Variants in GALNT9 observed in about 807,000 individuals in gnomAD.
GALNT9 encodes the protein polypeptide N-acetylgalactosaminyltransferase 9, also known as GalNAc transferase 9.
In GALNT9, 47 loss-of-function variants were observed where a neutral mutation model predicts 63.1. The ratio of observed to expected loss-of-function variants is 0.75; its 90% CI spans 0.59 to 0.95. The LOEUF (loss-of-function observed/expected upper bound fraction) is 0.95, where lower values mean the gene tolerates loss of function less well. Ranked by LOEUF, GALNT9 falls within the 40% of genes least tolerant of loss-of-function variation. GALNT9 has a pLI of 0.00. For synonymous variants in GALNT9, 396 were observed against 365.7 expected (o/e 1.08, Z -0.94); for missense variants, 829 against 874.8 (o/e 0.95, Z 0.66).
At chr12:132,292,145 T>C (rs1880883675) in intron 1 of GALNT9, among the ~76,000 whole-genome samples, 2 of 137,826 alleles carry the variant, frequency 1.5e-5, no homozygotes, top group African/African-American at 5.7e-5. Context: ...CCTGCCTCAT[T>C]TTCCTCCCAG....
At chr12:132,222,724 G>T (rs984516031) in intron 6 of GALNT9, among the ~76,000 whole-genome samples, 1 of 151,744 alleles carries the variant, frequency 6.6e-6, no homozygotes, top group Admixed American at 6.6e-5. Context: ...ACATTCCATC[G>T]GCTCCTGAGT....
In GALNT9 at chr12:132,199,267, C is replaced by T. The variant is rs1303966211; in HGVS notation, c.1404G>A (p.Val468=). The change falls in exon 9 of 11, where the codon GTG becomes GTA. Residue 468 remains valine, a splice_region_variant and synonymous_variant. Coordinates refer to ENST00000328957, the MANE Select transcript of GALNT9 (RefSeq NM_001122636.2). ...AGTAGGCACTGGCTTTGCTGTTTCTCACCTGCAAGCAGAAGCCCCAGGAGA... is the reference window on the plus strand; with the variant it reads ...AGTAGGCACTGGCTTTGCTGTTTCTTACCTGCAAGCAGAAGCCCCAGGAGA... ...VYNNTLTYGE[V]RNSKASAYCL... 9 of 1,599,906 alleles carry T rather than the reference C, an allele frequency of 5.6e-6. No individual in the cohort carries two copies. The highest frequency in any genetic ancestry group is 6.8e-6 in the Non-Finnish European group (8 of 1,175,938).
intron 1 of GALNT9, among the ~76,000 whole-genome samples, chr12:132,289,585 C>G (rs1555242507): frequency 6.6e-6 from 1 of 152,246 alleles, no homozygotes; most frequent in Non-Finnish European, 1.5e-5. Context: ...TGGGCCTTCA[C>G]TGTGGTCACC....
At chr12:132,301,794 G>C (rs1297549528) in intron 1 of GALNT9, among the ~76,000 whole-genome samples, 1 of 152,226 alleles carries the variant, frequency 6.6e-6, no homozygotes, top group African/African-American at 2.4e-5. Flanking sequence ...GCGGCTCCAG[G>C]GGGGCACGGA....
rs1461361671 is a variant in GALNT9, at chr12:132,319,880, C to G, written c.238+9086G>C. ...CTGTGTCTTCTCCACCCTCAGCCTC[C>G]GGAGGTTCGGAGGCACTCACTGACC... On this transcript the variant is annotated intron_variant, in intron 1 of 10. Transcript: ENST00000328957. The surrounding 1 kb of genome is among the most constrained non-coding windows in gnomAD (Gnocchi z 5.2). Among the ~76,000 whole-genome samples, 1 of 152,210 alleles carries G rather than the reference C, an allele frequency of 6.6e-6. No homozygotes were observed. Among genetic ancestry groups the G allele is most frequent in the Non-Finnish European group, 1.5e-5 (1 of 68,034 alleles).
At position 132,329,159 on chromosome 12, in the gene GALNT9, G is replaced by A. The variant is rs1348216685; in HGVS notation, c.45C>T (p.Ile15=). 4 of 1,549,056 alleles carry A rather than the reference G, an allele frequency of 2.6e-6. No individual in the cohort carries two copies. The African/African-American group carries it at 4.1e-5, about 16-fold the overall frequency. The part of the protein sequence containing the change: ...RKIRTLLTVN[I]LVFVGIVLFS... ...ACAGGACGATGCCCACGAACACCAG[G>A]ATGTTCACCGTCAGCAAAGTTCGGA... Residue 15 remains isoleucine (I), a synonymous_variant, in exon 1 of 11, where the codon ATC becomes ATT. Transcript: ENST00000328957.
chr12:132,267,897 ACGCACACAAATCCACATG>A (rs1879696318), intron 2 of GALNT9, among the ~76,000 whole-genome samples: 1 of 150,444 alleles, frequency 6.6e-6, no homozygotes, highest in African/African-American at 2.5e-5. Context: ...ACACGCACAC[ACGCACACAAATCCACATG>A]CACTCACACA....
chr12:132,276,305 C>G (rs1880086720), intron 2 of GALNT9: 1 of 154,958 alleles, frequency 6.5e-6, no homozygotes, highest in African/African-American at 2.4e-5. Context: ...CCGGCCGCAG[C>G]TCCCAACCTT....
At chr12:132,272,848 C>G (rs973683487) in intron 2 of GALNT9, 4 of 152,310 alleles carry the variant, frequency 2.6e-5, no homozygotes, top group African/African-American at 7.2e-5. Flanking sequence ...CGCAGGCTGC[C>G]GTCTCTGGAC....
Position 132,224,642 on chromosome 12 carries a change from C to T in GALNT9, c.1078-20952G>A, listed in dbSNP as rs1405045474. On this transcript the variant is annotated intron_variant, in intron 6 of 10. Coordinates refer to ENST00000328957, the MANE Select transcript of GALNT9 (RefSeq NM_001122636.2). Reference sequence around the variant, plus strand: ...CATACACCCCATATACACACCCCAGCGTACATACACACCCCACACTGTACC... The same window carrying T: ...CATACACCCCATATACACACCCCAGTGTACATACACACCCCACACTGTACC... 3.3e-4 allele frequency among the ~76,000 whole-genome samples: 29 copies of T among 86,698 alleles called. No individual in the cohort carries two copies. In the East Asian group the frequency reaches 6.9e-3, roughly 21 times the overall value. 56.9% of individuals were successfully genotyped at this position (86,698 alleles called of 152,430 possible).
At chr12:132,201,303 C>A in intron 7 of GALNT9, 42 bp from the exon 8 acceptor site, 2 of 1,454,678 alleles carry the variant, frequency 1.4e-6, no homozygotes, top group Non-Finnish European at 1.9e-6. Flanking sequence ...TGGGTGTCAC[C>A]ATGACCTGGG....
At chr12:132,263,030 G>A (rs1055756630) in intron 2 of GALNT9, among the ~76,000 whole-genome samples, 2 of 152,056 alleles carry the variant, frequency 1.3e-5, no homozygotes, top group African/African-American at 4.8e-5. Flanking sequence ...TCCACAGACA[G>A]GAGCCTCCCC....
In GALNT9 at chr12:132,239,327, GAGAGACAGAGTC is replaced by G. The variant is rs141857485; in HGVS notation, c.1077+8571_1077+8582del. On this transcript the variant is annotated intron_variant, in intron 6 of 10. Transcript: ENST00000328957. ...AGACACACACTGAGAGACTGAGAGA[GAGAGACAGAGTC>G]AGAGACAGAGTCAGAGACAGAGAGA... 5.7e-4 allele frequency among the ~76,000 whole-genome samples: 36 copies of G among 63,192 alleles called. No homozygotes were observed. In the South Asian group the frequency reaches 0.011, roughly 19 times the overall value. The allele number at this position is 63,192 out of a possible 152,430, so 41.5% of individuals were successfully genotyped here. A position where few individuals can be genotyped will look rare whatever the true frequency, so the allele number is the denominator to read the frequency against.
At chr12:132,213,944 A>G (rs1003562940) in intron 6 of GALNT9, among the ~76,000 whole-genome samples, 2 of 152,126 alleles carry the variant, frequency 1.3e-5, no homozygotes, top group Non-Finnish European at 2.9e-5. Context: ...CCCACCCCCT[A>G]TGTCCGCACA....
chr12:132,296,361 C>T lies in GALNT9; in HGVS notation c.239-9931G>A, dbSNP rs1555243250. Reference sequence around the variant, plus strand: ...GATCCAAGAGCAGGAGATGCCCACGCTCACCACCCCATCCACTGATGGCCC... The same window carrying T: ...GATCCAAGAGCAGGAGATGCCCACGTTCACCACCCCATCCACTGATGGCCC... On this transcript the variant is annotated intron_variant, in intron 1 of 10. Coordinates refer to ENST00000328957, the MANE Select transcript of GALNT9 (RefSeq NM_001122636.2). The surrounding 1 kb of genome is among the most constrained non-coding windows in gnomAD (Gnocchi z 4.2). Among the ~76,000 whole-genome samples, 1 of 152,246 alleles carries T rather than the reference C, an allele frequency of 6.6e-6. No individual in the cohort carries two copies. The highest frequency in any genetic ancestry group is 1.9e-4 in the East Asian group (1 of 5,204).
At chr12:132,290,119 G>C (rs1387999600) in intron 1 of GALNT9, among the ~76,000 whole-genome samples, 2 of 152,022 alleles carry the variant, frequency 1.3e-5, no homozygotes, top group Non-Finnish European at 2.9e-5. Flanking sequence ...GCTTCATCAG[G>C]GGTGCCAATT....
intron 6 of GALNT9, among the ~76,000 whole-genome samples, chr12:132,226,312 C>T (rs1478354790): frequency 1.3e-5 from 2 of 149,840 alleles, no homozygotes; most frequent in African/African-American, 4.9e-5. Flanking sequence ...ATACACGCTG[C>T]ACATACTGTA....
In GALNT9 at chr12:132,245,116, C is replaced by G. The variant is rs1878657929; in HGVS notation, c.1077+2794G>C. ...CAGAACCCGCGGTGACACAGGCTCC[C>G]CTGCCCCGCGGAGGAGTCAGGCCAT... On this transcript the variant is annotated intron_variant, in intron 6 of 10. Transcript: ENST00000328957. The surrounding 1 kb of genome is among the most constrained non-coding windows in gnomAD (Gnocchi z 6.3). Among the ~76,000 whole-genome samples the G allele has an allele frequency of 6.6e-6, 1 of 151,900 alleles. No homozygotes were observed. Among genetic ancestry groups the G allele is most frequent in the Non-Finnish European group, 1.5e-5 (1 of 67,936 alleles).
rs561659315 is a variant in GALNT9 at position 132,322,174 on chromosome 12, C to T, written c.238+6792G>A. ...TGGACGTGAGCTTCCGGGCGGGCCC[C>T]GTTCAACCCGTAACCATCCCCGCCA... is the stretch of plus-strand genomic sequence containing the variant. On this transcript the variant is annotated intron_variant, in intron 1 of 10. Transcript: ENST00000328957. Among the ~76,000 whole-genome samples the T allele has an allele frequency of 1.8e-3, 273 of 152,318 alleles. 2 individuals carry two copies. Among genetic ancestry groups the T allele is most frequent in the African/African-American group, 3.7e-3 (153 of 41,562 alleles).
Sources: gnomAD v4.1 joint callset for allele counts (sites outside exome capture counted in the v4.1 genomes callset) on GRCh38, gnomAD v4.1.1 for gene constraint, Gnocchi (gnomAD v3.1) non-coding constraint, MANE v1.5 for transcripts, NCBI Gene and HGNC (gene_info 2026-07-23, HGNC 2026-07-21) for gene names.